Variants in ARHGAP5 observed in about 807,000 individuals in gnomAD.
ARHGAP5 encodes rho GTPase-activating protein 5.
Under a neutral mutation model 116.6 loss-of-function variants are expected in ARHGAP5, and 23 were observed. The observed-to-expected ratio is 0.20, with a 90% CI of 0.14 to 0.28. ARHGAP5 has a LOEUF of 0.28. Among genes scored for constraint, ARHGAP5 ranks in the 10% least tolerant of loss-of-function variants. The probability of loss-of-function intolerance (pLI) is 1.00; values close to 1 mark genes in which losing one functional copy is unlikely to be tolerated. For missense variants in ARHGAP5, 1,405 were observed against 1,774.8 expected, an observed-to-expected ratio of 0.79 and a Z score of 3.74; for synonymous variants, 574 against 602.0, an observed-to-expected ratio of 0.95 and a Z score of 0.68.
At chr14:32,150,058 A>G (rs1334308632) in intron 5 of ARHGAP5, 25 bp downstream of exon 5, 3 of 1,536,824 alleles carry the variant, frequency 2.0e-6, no homozygotes, top group Non-Finnish European at 2.6e-6. Flanking sequence ...CCTTTTTATG[A>G]GAGGGATGAT....
At chr14:32,104,392 T>C (rs1290423106) in intron 2 of ARHGAP5, among the ~76,000 whole-genome samples, 1 of 152,236 alleles carries the variant, frequency 6.6e-6, no homozygotes, top group Non-Finnish European at 1.5e-5. Context: ...CTGATAAGTA[T>C]GTACAAAAAC....
chr14:32,080,624 A>G (rs1171158899), intron 1 of ARHGAP5, among the ~76,000 whole-genome samples: 1 of 152,226 alleles, frequency 6.6e-6, no homozygotes, highest in Admixed American at 6.5e-5. Flanking sequence ...CTCAAGCTGT[A>G]TAAAGGAGTA....
At chr14:32,100,160 A>G (rs768213393) in intron 2 of ARHGAP5, among the ~76,000 whole-genome samples, 1 of 152,218 alleles carries the variant, frequency 6.6e-6, no homozygotes, top group Non-Finnish European at 1.5e-5. Context: ...GATTGAAAAT[A>G]CTCAGGAAAG....
intron 3 of ARHGAP5, among the ~76,000 whole-genome samples, chr14:32,135,240 A>G (rs1423315471): frequency 6.6e-6 from 1 of 152,218 alleles, no homozygotes; most frequent in African/African-American, 2.4e-5. Context: ...AAATTATTTT[A>G]GTTGCTAGTC....
At chr14:32,122,982 TCTTG>T (rs1189354112) in intron 3 of ARHGAP5, among the ~76,000 whole-genome samples, 3 of 152,150 alleles carry the variant, frequency 2.0e-5, no homozygotes, top group African/African-American at 7.2e-5. Flanking sequence ...TGATGGGTTT[TCTTG>T]CTTTTCATTC....
chr14:32,133,720 T>C (rs1313339816), intron 3 of ARHGAP5, among the ~76,000 whole-genome samples: 3 of 152,200 alleles, frequency 2.0e-5, no homozygotes, highest in Admixed American at 2.0e-4. Flanking sequence ...GCTGTGGGTT[T>C]GTCATAGATA....
At chr14:32,110,391 C>T (rs1413110569) in intron 2 of ARHGAP5, among the ~76,000 whole-genome samples, 1 of 151,450 alleles carries the variant, frequency 6.6e-6, no homozygotes, top group Non-Finnish European at 1.5e-5. Flanking sequence ...AACCCCTAAG[C>T]TCAAGCTGTC....
intron 3 of ARHGAP5, among the ~76,000 whole-genome samples, chr14:32,135,021 A>G (rs1880712979): frequency 1.3e-5 from 2 of 152,202 alleles, no homozygotes; most frequent in Non-Finnish European, 2.9e-5. Context: ...TTGTGCCCAC[A>G]TACCATTAAT....
At chr14:32,103,385 A>G (rs1236198389) in intron 2 of ARHGAP5, among the ~76,000 whole-genome samples, 2 of 152,194 alleles carry the variant, frequency 1.3e-5, no homozygotes, top group South Asian at 2.1e-4. Context: ...CTTAATTGGA[A>G]AGATTATGTC....
intron 2 of ARHGAP5, among the ~76,000 whole-genome samples, chr14:32,112,803 G>A (rs1459451157): frequency 1.3e-5 from 2 of 152,142 alleles, no homozygotes; most frequent in South Asian, 2.1e-4. Flanking sequence ...CCCGGAAGGC[G>A]GAGCTTGCAG....
At chr14:32,082,494 A>G (rs2041786918) in intron 1 of ARHGAP5, among the ~76,000 whole-genome samples, 1 of 152,182 alleles carries the variant, frequency 6.6e-6, no homozygotes. Context: ...TCTTATGTCT[A>G]GTAGCCAGTT....
intron 2 of ARHGAP5, among the ~76,000 whole-genome samples, chr14:32,105,597 AC>A (rs1230619934): frequency 1.3e-5 from 2 of 152,130 alleles, no homozygotes; most frequent in Non-Finnish European, 2.9e-5. Flanking sequence ...AATATGATCT[AC>A]AGATCTTATT....
rs542544695 is a variant in ARHGAP5 at position 32,130,820 on chromosome 14, C to T, written c.3865+13533C>T. On this transcript the variant is annotated intron_variant, in intron 3 of 6. Coordinates refer to ENST00000345122, the MANE Select transcript of ARHGAP5 (RefSeq NM_001030055.2). ...TGCTGGGATTACAGGCATGAGCCACCGCACCCAGCCTGTTTTCATTTTCTC... is the reference window on the plus strand; with the variant it reads ...TGCTGGGATTACAGGCATGAGCCACTGCACCCAGCCTGTTTTCATTTTCTC... Among the ~76,000 whole-genome samples, 8 of 152,304 alleles carry T rather than the reference C, an allele frequency of 5.3e-5. No individual in the cohort carries two copies. The East Asian group carries it at 5.8e-4, about 11-fold the overall frequency.
At chr14:32,137,533 A>T (rs112084383) in intron 3 of ARHGAP5, among the ~76,000 whole-genome samples, 3,669 of 152,030 alleles carry the variant, frequency 0.024, 142 homozygotes, top group African/African-American at 0.082. Context: ...CTTTTTCAAG[A>T]TTCCTTTAGC....
chr14:32,131,540 C>T, intron 3 of ARHGAP5, among the ~76,000 whole-genome samples: 1 of 152,058 alleles, frequency 6.6e-6, no homozygotes. Flanking sequence ...TGGCAACCAC[C>T]ATTTCATGTT....
At chr14:32,125,243 C>T (rs1374702819) in intron 3 of ARHGAP5, among the ~76,000 whole-genome samples, 3 of 152,200 alleles carry the variant, frequency 2.0e-5, no homozygotes, top group Non-Finnish European at 2.9e-5. Flanking sequence ...CTGGATATTT[C>T]ATATCAGTAG....
chr14:32,136,855 C>T (rs1225388388), intron 3 of ARHGAP5, among the ~76,000 whole-genome samples: 2 of 151,954 alleles, frequency 1.3e-5, no homozygotes, highest in Admixed American at 1.3e-4. Context: ...TGTTGAGCAT[C>T]TTTTCATGTG....
intron 6 of ARHGAP5, chr14:32,154,350 T>C (rs2139156923): frequency 2.9e-6 from 1 of 343,928 alleles, no homozygotes; most frequent in Non-Finnish European, 5.4e-6. Flanking sequence ...GGTTTCTCCA[T>C]GTTGGTCCTG....
In ARHGAP5 at chr14:32,093,329, G is replaced by A; in HGVS notation, c.2660G>A (p.Ser887Asn). The A allele has an allele frequency of 6.2e-7, 1 of 1,613,936 alleles. No individual in the cohort carries two copies. The highest frequency in any genetic ancestry group is 1.1e-5 in the South Asian group (1 of 91,064). ...IPVQLVAVTD[S>N]QADFFENEAI... ...GTACAGCTGGTGGCAGTTACTGACAGCCAAGCAGATTTTTTTGAAAATGAG... is the reference window on the plus strand; with the variant it reads ...GTACAGCTGGTGGCAGTTACTGACAACCAAGCAGATTTTTTTGAAAATGAG... The change falls in exon 2 of 7, where the codon AGC becomes AAC. Residue 887 changes from serine (S) to asparagine (N), a missense_variant. This residue lies in a region of ARHGAP5 where 944 missense variants were observed against 1,095.3 expected (regional missense o/e 0.86). Coordinates refer to ENST00000345122, the MANE Select transcript of ARHGAP5 (RefSeq NM_001030055.2).
Sources: gnomAD v4.1 joint callset for allele counts (sites outside exome capture counted in the v4.1 genomes callset) on GRCh38, gnomAD v4.1.1 for gene constraint, gnomAD v4.1.1 regional missense constraint, MANE v1.5 for transcripts, NCBI Gene and HGNC (gene_info 2026-07-23, HGNC 2026-07-21) for gene names.